Variants in ADAMTS12 observed in about 807,000 individuals in gnomAD.
ADAMTS12 encodes A disintegrin and metalloproteinase with thrombospondin motifs 12.
ADAMTS12 carries 118 observed loss-of-function variants against 167.8 expected under a neutral mutation model. The ratio of observed to expected loss-of-function variants is 0.70; its 90% confidence interval spans 0.61 to 0.82. The LOEUF (loss-of-function observed/expected upper bound fraction) is 0.82, where lower values mean the gene tolerates loss of function less well. Among genes scored for constraint, ADAMTS12 ranks in the 40% least tolerant of loss-of-function variants. The probability of loss-of-function intolerance (pLI) is 0.00; values close to 1 mark genes in which losing one functional copy is unlikely to be tolerated. For missense variants in ADAMTS12, 1,916 were observed against 1,998.8 expected (o/e 0.96, Z 0.79); for synonymous variants, 704 against 716.9 (o/e 0.98, Z 0.29).
chr5:33,777,750 T>C (rs1745965594), intron 2 of ADAMTS12, among the ~76,000 whole-genome samples: 1 of 152,032 alleles, frequency 6.6e-6, no homozygotes, highest in African/African-American at 2.4e-5. Context: ...TGTTTGCAGA[T>C]GACATGGTCT....
chr5:33,559,368 C>T (rs1467103388), intron 20 of ADAMTS12, among the ~76,000 whole-genome samples: 1 of 152,190 alleles, frequency 6.6e-6, no homozygotes, highest in East Asian at 1.9e-4. Flanking sequence ...CCCTCAATCT[C>T]ACCACTGACC....
intron 2 of ADAMTS12, among the ~76,000 whole-genome samples, chr5:33,757,371 G>A (rs965815095): frequency 6.6e-6 from 1 of 152,210 alleles, no homozygotes; most frequent in African/African-American, 2.4e-5. Context: ...GGCTATGTGA[G>A]GGAGCTGCCA....
chr5:33,697,021 T>G (rs1742806032), intron 3 of ADAMTS12, among the ~76,000 whole-genome samples: 2 of 152,240 alleles, frequency 1.3e-5, no homozygotes, highest in Non-Finnish European at 2.9e-5. Context: ...AAAAAAGCTT[T>G]TTATTACATA....
intron 2 of ADAMTS12, among the ~76,000 whole-genome samples, chr5:33,815,713 A>G (rs1455212157): frequency 6.6e-6 from 1 of 152,218 alleles, no homozygotes; most frequent in Non-Finnish European, 1.5e-5. Context: ...TGAAGGAGAG[A>G]GGAGCGCATA....
intron 3 of ADAMTS12, among the ~76,000 whole-genome samples, chr5:33,700,697 G>A (rs902896016): frequency 6.6e-6 from 1 of 152,080 alleles, no homozygotes; most frequent in Non-Finnish European, 1.5e-5. Context: ...GTAAAATTGG[G>A]GAAATCTGAA....
At chr5:33,611,902 G>A (rs1420704695) in intron 16 of ADAMTS12, among the ~76,000 whole-genome samples, 1 of 152,122 alleles carries the variant, frequency 6.6e-6, no homozygotes, top group Non-Finnish European at 1.5e-5. Context: ...TGAAAGGAAA[G>A]AAAAGCAAAG....
chr5:33,774,393 TA>T (rs1745843279), intron 2 of ADAMTS12, among the ~76,000 whole-genome samples: 1 of 152,176 alleles, frequency 6.6e-6, no homozygotes, highest in African/African-American at 2.4e-5. Flanking sequence ...TGAACTACAC[TA>T]TTTTTTTTCT....
chr5:33,781,171 T>C (rs1447806366), intron 2 of ADAMTS12, among the ~76,000 whole-genome samples: 1 of 151,922 alleles, frequency 6.6e-6, no homozygotes, highest in African/African-American at 2.4e-5. Context: ...CATACATACA[T>C]AGATATAGAT....
chr5:33,888,143 T>C (rs887082339), intron 1 of ADAMTS12: 2 of 152,248 alleles, frequency 1.3e-5, no homozygotes, highest in Admixed American at 6.5e-5. Context: ...TATTAGTATA[T>C]GTGCTTCCAA....
chr5:33,806,518 A>G (rs1212112858), intron 2 of ADAMTS12, among the ~76,000 whole-genome samples: 3 of 152,242 alleles, frequency 2.0e-5, no homozygotes, highest in Non-Finnish European at 4.4e-5. Flanking sequence ...AAACGATTCA[A>G]TGAAATCCAA....
At chr5:33,849,971 A>G (rs999835636) in intron 2 of ADAMTS12, among the ~76,000 whole-genome samples, 1 of 152,064 alleles carries the variant, frequency 6.6e-6, no homozygotes, top group African/African-American at 2.4e-5. Context: ...CAGGTGGGAG[A>G]TGTATTTTAT....
chr5:33,816,320 A>C (rs1397283504), intron 2 of ADAMTS12, among the ~76,000 whole-genome samples: 1 of 152,196 alleles, frequency 6.6e-6, no homozygotes, highest in African/African-American at 2.4e-5. Flanking sequence ...AGTTTTTGTG[A>C]TAATATTTTA....
rs1227759061 is a variant in ADAMTS12 at position 33,684,692 on chromosome 5, G to A, written c.635-637C>T. On this transcript the variant is annotated intron_variant, in intron 3 of 23. Transcript: ENST00000504830. ...TCCACTTGAAGAAGGCACAAAAAGA[G>A]GTGGAAAAGATCCAAAGGACAGCAA... Among the ~76,000 whole-genome samples the A allele has an allele frequency of 2.6e-5, 4 of 152,120 alleles. 1 individual carries two copies. In the South Asian group the frequency reaches 8.3e-4, roughly 31 times the overall value.
At chr5:33,637,199 C>T (rs971158439) in intron 12 of ADAMTS12, among the ~76,000 whole-genome samples, 2 of 152,122 alleles carry the variant, frequency 1.3e-5, no homozygotes, top group Non-Finnish European at 2.9e-5. Flanking sequence ...TTACTTCAAA[C>T]CCACAATGAC....
intron 2 of ADAMTS12, among the ~76,000 whole-genome samples, chr5:33,797,272 G>GAAGA (rs1356888016): frequency 2.0e-5 from 3 of 152,124 alleles, no homozygotes; most frequent in Admixed American, 2.0e-4. Flanking sequence ...CAAGCCTGTT[G>GAAGA]AAGAGGGCTC....
At chr5:33,587,093 A>G (rs1213673059) in intron 18 of ADAMTS12, among the ~76,000 whole-genome samples, 1 of 151,292 alleles carries the variant, frequency 6.6e-6, no homozygotes, top group East Asian at 1.9e-4. Flanking sequence ...TCCTGTACAG[A>G]TTCAGAAGGT....
chr5:33,655,414 T>G (rs773563343), intron 7 of ADAMTS12, among the ~76,000 whole-genome samples: 2 of 152,114 alleles, frequency 1.3e-5, no homozygotes, highest in Non-Finnish European at 2.9e-5. Flanking sequence ...AGGGTAACTC[T>G]GAAACGTGTG....
intron 6 of ADAMTS12, among the ~76,000 whole-genome samples, chr5:33,659,167 T>C (rs576843897): frequency 3.9e-5 from 6 of 152,138 alleles, no homozygotes; most frequent in African/African-American, 1.2e-4. Flanking sequence ...TTTTCATCCA[T>C]TGGGACATGG....
At chr5:33,568,911 G>A (rs993624363) in intron 19 of ADAMTS12, among the ~76,000 whole-genome samples, 14 of 152,246 alleles carry the variant, frequency 9.2e-5, no homozygotes, top group South Asian at 4.1e-4. Flanking sequence ...CTTTTCCGAC[G>A]GGCTTAGGAA....
Sources: allele counts gnomAD v4.1 joint callset (sites outside exome capture counted in the v4.1 genomes callset), GRCh38; gene constraint gnomAD v4.1.1; transcripts MANE v1.5; gene names NCBI Gene and HGNC (gene_info 2026-07-23, HGNC 2026-07-21).